STX8: variants seen among roughly 807,000 people sequenced by gnomAD.
STX8 encodes the protein syntaxin 8, also known as syntaxin-8.
STX8 carries 23 observed loss-of-function variants against 37.5 expected under a neutral mutation model. The ratio of observed to expected loss-of-function variants is 0.61; its 90% CI spans 0.44 to 0.87. The LOEUF is 0.87. Ranked by LOEUF, STX8 falls within the 40% of genes least tolerant of loss-of-function variation. The pLI, the probability that STX8 is intolerant of heterozygous loss-of-function variation, is 0.00. For synonymous variants in STX8, 115 were observed against 99.1 expected, an observed-to-expected ratio of 1.16 and a Z score of -0.95; for missense variants, 313 against 284.7, an observed-to-expected ratio of 1.10 and a Z score of -0.71.
At chr17:9,462,701 C>CA (rs1213244478) in intron 6 of STX8, among the ~76,000 whole-genome samples, 1 of 152,138 alleles carries the variant, frequency 6.6e-6, no homozygotes, top group East Asian at 1.9e-4. Context: ...CCAGCCTGGG[C>CA]AACAGAGCGA....
chr17:9,569,007 T>G (rs1417313249), intron 1 of STX8, among the ~76,000 whole-genome samples: 4 of 152,194 alleles, frequency 2.6e-5, no homozygotes, highest in Non-Finnish European at 4.4e-5. Flanking sequence ...GTGGGTACCA[T>G]TACCATCTCC....
chr17:9,460,684 A>C (rs1377734741), intron 6 of STX8, among the ~76,000 whole-genome samples: 3 of 149,800 alleles, frequency 2.0e-5, no homozygotes, highest in Non-Finnish European at 2.9e-5. Context: ...AAAAAAAAAA[A>C]AAAACAAAAC....
intron 7 of STX8, among the ~76,000 whole-genome samples, chr17:9,259,370 C>T (rs371372572): frequency 6.6e-5 from 10 of 152,264 alleles, no homozygotes; most frequent in East Asian, 5.8e-4. Context: ...GCAGGTGCTC[C>T]GTAAATGTCC....
At chr17:9,454,309 C>T (rs144146102) in intron 6 of STX8, among the ~76,000 whole-genome samples, 230 of 152,222 alleles carry the variant, frequency 1.5e-3, no homozygotes, top group African/African-American at 5.3e-3. Flanking sequence ...AGGGATGATT[C>T]GTGTCCCAGG....
chr17:9,314,626 T>C (rs917116028), intron 7 of STX8, among the ~76,000 whole-genome samples: 2 of 149,316 alleles, frequency 1.3e-5, no homozygotes, highest in African/African-American at 4.9e-5. Flanking sequence ...GCCAGGATGG[T>C]CTCGATCTCC....
At chr17:9,475,208 C>T (rs75172218) in intron 6 of STX8, among the ~76,000 whole-genome samples, 4,737 of 152,162 alleles carry the variant, frequency 0.031, 104 homozygotes, top group South Asian at 0.058. Flanking sequence ...ACTGAAGACA[C>T]GAAGAAGCGT....
At chr17:9,496,371 C>T (rs987680458) in intron 5 of STX8, among the ~76,000 whole-genome samples, 1 of 152,158 alleles carries the variant, frequency 6.6e-6, no homozygotes, top group Non-Finnish European at 1.5e-5. Flanking sequence ...CCACCACACC[C>T]AGCCACCATG....
At chr17:9,478,131 A>G (rs1906173239) in intron 6 of STX8, among the ~76,000 whole-genome samples, 3 of 152,100 alleles carry the variant, frequency 2.0e-5, no homozygotes, top group Admixed American at 2.0e-4. Context: ...TAAGAATATG[A>G]GAACAGTTTT....
Position 9,376,912 on chromosome 17 carries a change from A to G in STX8, c.643+1640T>C, listed in dbSNP as rs138918792. On this transcript the variant is annotated intron_variant, in intron 7 of 7. Transcript: ENST00000306357. The stretch of plus-strand genomic sequence containing the variant: ...CATCTTTAAAGTTTCAGGATCTATC[A>G]TAGATAACAAAGTCCCTGTGGCCAG... Among the ~76,000 whole-genome samples, 567 of 152,358 alleles carry G rather than the reference A, an allele frequency of 3.7e-3. 4 individuals are homozygous for G. The highest frequency in any genetic ancestry group is 6.8e-3 in the Middle Eastern group (2 of 294).
chr17:9,253,795 C>T (rs1471368381), intron 7 of STX8, among the ~76,000 whole-genome samples: 5 of 152,118 alleles, frequency 3.3e-5, no homozygotes, highest in Non-Finnish European at 5.9e-5. Flanking sequence ...TATGAATGAC[C>T]GTGAATTGTC....
rs1161609414 is a variant in STX8 at position 9,441,672 on chromosome 17, C to CTT, written c.541+50155_541+50156dup. Reference sequence around the variant, plus strand: ...TCTCCATCTATGCTCAGCACCATGGCTTTTTTTTTTTTTTTTTTTTTTGAG... The same window carrying CTT: ...TCTCCATCTATGCTCAGCACCATGGCTTTTTTTTTTTTTTTTTTTTTTTTGAG... On this transcript the variant is annotated intron_variant, in intron 6 of 7. Coordinates refer to ENST00000306357, the MANE Select transcript of STX8 (RefSeq NM_004853.3). 8.2e-3 allele frequency among the ~76,000 whole-genome samples: 766 copies of CTT among 93,242 alleles called. 17 individuals are homozygous for CTT. Among genetic ancestry groups the CTT allele is most frequent in the African/African-American group, 0.019 (507 of 26,184 alleles). 61.2% of individuals were successfully genotyped at this position (93,242 alleles called of 152,430 possible). A position where few individuals can be genotyped will look rare whatever the true frequency, so the allele number is the denominator to read the frequency against.
intron 4 of STX8, among the ~76,000 whole-genome samples, chr17:9,534,158 G>A (rs1444039450): frequency 6.7e-6 from 1 of 148,680 alleles, no homozygotes; most frequent in African/African-American, 2.5e-5. Context: ...TATTAATAAC[G>A]GACATTAATT....
chr17:9,409,392 A>C (rs963592944), intron 6 of STX8, among the ~76,000 whole-genome samples: 1 of 152,260 alleles, frequency 6.6e-6, no homozygotes, highest in African/African-American at 2.4e-5. Flanking sequence ...ATTCCAGGAC[A>C]CTCAATTATG....
At chr17:9,261,359 C>T (rs1271828290) in intron 7 of STX8, among the ~76,000 whole-genome samples, 2 of 152,202 alleles carry the variant, frequency 1.3e-5, no homozygotes, top group African/African-American at 4.8e-5. Context: ...TAGACTCACC[C>T]ACACTAGAAC....
chr17:9,546,641 A>G (rs1336632499), intron 3 of STX8, among the ~76,000 whole-genome samples: 1 of 106,690 alleles, frequency 9.4e-6, no homozygotes, highest in East Asian at 2.9e-4. Context: ...TTCTGTCTAC[A>G]GGCTGGAGTG....
chr17:9,556,157 G>A (rs1020822075), intron 3 of STX8, among the ~76,000 whole-genome samples: 1 of 152,114 alleles, frequency 6.6e-6, no homozygotes, highest in Non-Finnish European at 1.5e-5. Flanking sequence ...CAACTTTCCT[G>A]GTGATATAAA....
intron 6 of STX8, among the ~76,000 whole-genome samples, chr17:9,414,089 T>A (rs12946166): frequency 9.7e-4 from 14 of 14,442 alleles, no homozygotes; most frequent in African/African-American, 3.1e-3. Context: ...TGTCCATCCA[T>A]CCATCCATCC....
At chr17:9,411,197 T>A (rs1912966700) in intron 6 of STX8, among the ~76,000 whole-genome samples, 1 of 152,212 alleles carries the variant, frequency 6.6e-6, no homozygotes, top group South Asian at 2.1e-4. Flanking sequence ...AAGAAAGTGC[T>A]TGGTGGTCAG....
intron 6 of STX8, among the ~76,000 whole-genome samples, chr17:9,399,865 CAAA>C (rs201703835): frequency 9.2e-5 from 9 of 98,344 alleles, no homozygotes; most frequent in Admixed American, 1.2e-4. Context: ...GACTCTGTCT[CAAA>C]AAAAAAAAAA....
Sources: allele counts gnomAD v4.1 joint callset (sites outside exome capture counted in the v4.1 genomes callset), GRCh38; gene constraint gnomAD v4.1.1; transcripts MANE v1.5; gene names NCBI Gene and HGNC (gene_info 2026-07-23, HGNC 2026-07-21).